Variants in CROT observed in about 807,000 individuals in gnomAD.
CROT encodes the protein carnitine O-octanoyltransferase, also known as peroxisomal carnitine O-octanoyltransferase.
Under a neutral mutation model 89.2 loss-of-function variants are expected in CROT, and 84 were observed. That is an observed-to-expected ratio of 0.94 (90% CI 0.79 to 1.13). The LOEUF (loss-of-function observed/expected upper bound fraction) is 1.13, where lower values mean the gene tolerates loss of function less well. Among genes scored for constraint, CROT ranks in the 50% most tolerant of loss-of-function variants. The pLI is 0.00. For missense variants in CROT, 711 were observed against 727.8 expected, an observed-to-expected ratio of 0.98 and a Z score of 0.27; for synonymous variants, 212 against 239.5, an observed-to-expected ratio of 0.89 and a Z score of 1.06.
Position 87,382,228 on chromosome 7 carries a change from AC to A in CROT, c.1170+48del, listed in dbSNP as rs148991313. On this transcript the variant is annotated intron_variant, in intron 12 of 17. Transcript: ENST00000331536. Reference sequence around the variant, plus strand: ...TAAATAATAATGATTTTTTCTTTTAACAACCATATGTAAAAATTTGGCTGTC... The same window carrying A: ...TAAATAATAATGATTTTTTCTTTTAAAACCATATGTAAAAATTTGGCTGTC... 5.1e-3 allele frequency: 7,776 copies of A among 1,516,330 alleles called. 316 individuals carry two copies. The African/African-American group carries it at 0.094, about 18-fold the overall frequency. The allele number at this position is 1,516,330 out of a possible 1,614,324, so 93.9% of individuals were successfully genotyped here. A position where few individuals can be genotyped will look rare whatever the true frequency, so the allele number is the denominator to read the frequency against.
chr7:87,374,109 TA>T (rs1374433963), intron 7 of CROT, among the ~76,000 whole-genome samples: 2 of 151,968 alleles, frequency 1.3e-5, no homozygotes, highest in Non-Finnish European at 2.9e-5. Context: ...ATAGAATATT[TA>T]AAAAAATATA....
intron 6 of CROT, among the ~76,000 whole-genome samples, chr7:87,364,599 G>T (rs182970162): frequency 2.0e-5 from 3 of 152,178 alleles, no homozygotes; most frequent in African/African-American, 7.2e-5. Flanking sequence ...AAGTTTTGAT[G>T]TGCACTGGGA....
chr7:87,348,149 C>G lies in CROT; in HGVS notation c.-21-899C>G, dbSNP rs573556117. Among the ~76,000 whole-genome samples the G allele has an allele frequency of 8.5e-5, 13 of 152,058 alleles. No individual in the cohort carries two copies. The East Asian group carries it at 2.3e-3, about 27-fold the overall frequency. On this transcript the variant is annotated intron_variant, in intron 2 of 17. Coordinates refer to ENST00000331536, the MANE Select transcript of CROT (RefSeq NM_021151.4). ...ATAGGAAGTTCAAATTCAATATTAA[C>G]GTTCTTTGATTTCTCAGTTGCTATT...
intron 3 of CROT, among the ~76,000 whole-genome samples, chr7:87,350,722 G>A (rs1449041036): frequency 6.6e-6 from 1 of 152,140 alleles, no homozygotes; most frequent in African/African-American, 2.4e-5. Context: ...TTGCCATTCT[G>A]TCCACTTTGA....
chr7:87,366,767 G>T (rs998936321), intron 6 of CROT, among the ~76,000 whole-genome samples: 1 of 152,170 alleles, frequency 6.6e-6, no homozygotes. Context: ...CCTAAACATC[G>T]TTTAAAATTT....
At chr7:87,358,481 C>CAAAA (rs11405316) in intron 3 of CROT, among the ~76,000 whole-genome samples, 10 of 95,578 alleles carry the variant, frequency 1.0e-4, no homozygotes, top group Non-Finnish European at 1.6e-4. Flanking sequence ...GACTCCATCT[C>CAAAA]AAAAAAAAAA....
At chr7:87,351,347 A>G (rs1216070182) in intron 3 of CROT, among the ~76,000 whole-genome samples, 1 of 151,464 alleles carries the variant, frequency 6.6e-6, no homozygotes, top group Non-Finnish European at 1.5e-5. Flanking sequence ...AGGAAAGGAA[A>G]GCATTTATCT....
intron 6 of CROT, among the ~76,000 whole-genome samples, chr7:87,367,173 A>G (rs802054): frequency 0.92 from 140,111 of 152,258 alleles, 64,666 homozygotes; most frequent in African/African-American, 0.97. Flanking sequence ...ACGTTATCCT[A>G]GATTATTCAC....
chr7:87,356,167 G>T (rs1806062516), intron 3 of CROT, among the ~76,000 whole-genome samples: 1 of 152,022 alleles, frequency 6.6e-6, no homozygotes, highest in Non-Finnish European at 1.5e-5. Context: ...CTTTTGTAGA[G>T]ATGGGGTTTC....
At chr7:87,393,638 ACAGTCTGG>A (rs1250153007) in intron 17 of CROT, among the ~76,000 whole-genome samples, 1 of 152,198 alleles carries the variant, frequency 6.6e-6, no homozygotes. Flanking sequence ...GTCCTTATCT[ACAGTCTGG>A]CAGTCTCTTT....
At chr7:87,353,275 G>A (rs983596069) in intron 3 of CROT, among the ~76,000 whole-genome samples, 11 of 152,054 alleles carry the variant, frequency 7.2e-5, no homozygotes, top group African/African-American at 2.4e-4. Flanking sequence ...AGCATCCTGA[G>A]TAGCTGGGAT....
chr7:87,351,025 T>C (rs537688829), intron 3 of CROT, among the ~76,000 whole-genome samples: 2 of 151,932 alleles, frequency 1.3e-5, no homozygotes, highest in African/African-American at 4.8e-5. Flanking sequence ...AAAGGAAATA[T>C]TGGCTAGGTG....
chr7:87,398,375 C>G lies in CROT; in HGVS notation c.1719-149C>G. The G allele has an allele frequency of 1.4e-5, 13 of 932,610 alleles. No individual in the cohort carries two copies. The South Asian group carries it at 1.6e-4, about 12-fold the overall frequency. 57.8% of individuals were successfully genotyped at this position (932,610 alleles called of 1,614,324 possible). On this transcript the variant is annotated intron_variant, in intron 17 of 17. Transcript: ENST00000331536. ...GCATTATCTACAGATATGGCTTTACCTTCAATTGTGTCAGGTTACATTTAC... is the reference window on the plus strand; with the variant it reads ...GCATTATCTACAGATATGGCTTTACGTTCAATTGTGTCAGGTTACATTTAC...
intron 6 of CROT, among the ~76,000 whole-genome samples, chr7:87,368,799 AAC>A (rs1395037617): frequency 6.6e-6 from 1 of 152,230 alleles, no homozygotes; most frequent in Non-Finnish European, 1.5e-5. Context: ...ACAGCAAACA[AAC>A]AGTTCTTGGG....
chr7:87,360,030 A>G lies in CROT; in HGVS notation c.240+700A>G, dbSNP rs545445696. On this transcript the variant is annotated intron_variant, in intron 4 of 17. Transcript: ENST00000331536. ...GATGAACCATTTATATCTGTGATGG[A>G]ATAATAAAATTTCACACTTCCGGAT... 1.5e-5 allele frequency: 15 copies of G among 981,898 alleles called. No individual in the cohort carries two copies. In the South Asian group the frequency reaches 5.7e-4, roughly 37 times the overall value. The allele number at this position is 981,898 out of a possible 1,614,324, so 60.8% of individuals were successfully genotyped here.
intron 3 of CROT, among the ~76,000 whole-genome samples, chr7:87,355,931 G>A (rs968292206): frequency 6.6e-6 from 1 of 152,144 alleles, no homozygotes; most frequent in Admixed American, 6.5e-5. Context: ...AAGAAACCTA[G>A]AACTATTTGT....
At chr7:87,390,306 C>T (rs1807318288) in intron 13 of CROT, among the ~76,000 whole-genome samples, 1 of 152,118 alleles carries the variant, frequency 6.6e-6, no homozygotes, top group Admixed American at 6.6e-5. Flanking sequence ...AGTTTACTCC[C>T]TGAATTTTTT....
chr7:87,390,355 G>T (rs1807320077), intron 13 of CROT, among the ~76,000 whole-genome samples: 1 of 152,034 alleles, frequency 6.6e-6, no homozygotes, highest in Non-Finnish European at 1.5e-5. Context: ...CATTGCTAAG[G>T]TTCATTATTT....
chr7:87,354,543 G>C (rs1312514613), intron 3 of CROT: 1 of 352,386 alleles, frequency 2.8e-6, no homozygotes, highest in Non-Finnish European at 5.8e-6. Context: ...TATACTAGAG[G>C]TAAACATTGC....
Sources: allele counts gnomAD v4.1 joint callset (sites outside exome capture counted in the v4.1 genomes callset), GRCh38; gene constraint gnomAD v4.1.1; transcripts MANE v1.5; gene names NCBI Gene and HGNC (gene_info 2026-07-23, HGNC 2026-07-21).